ARHGAP8: variants seen among roughly 807,000 people sequenced by gnomAD.
ARHGAP8 encodes Rho GTPase activating protein 8, also known as rho GTPase-activating protein 8.
ARHGAP8 carries 62 observed loss-of-function variants against 46.1 expected under a neutral mutation model. The observed-to-expected ratio is 1.34, with a 90% CI of 1.10 to 1.66. The LOEUF is 1.66. ARHGAP8 is among the 40% of genes most tolerant of loss of function. The pLI, the probability that ARHGAP8 is intolerant of heterozygous loss-of-function variation, is 0.00. For synonymous variants in ARHGAP8, 375 were observed against 243.1 expected, an observed-to-expected ratio of 1.54 and a Z score of -5.05; for missense variants, 923 against 568.4, an observed-to-expected ratio of 1.62 and a Z score of -6.34.
chr22:44,794,362 T>G (rs1241331039), intron 2 of ARHGAP8, among the ~76,000 whole-genome samples: 1 of 152,160 alleles, frequency 6.6e-6, no homozygotes, highest in Non-Finnish European at 1.5e-5. Context: ...GAGGAAGAGA[T>G]TCTACCCTGG....
chr22:44,809,644 G>A (rs11703992), intron 4 of ARHGAP8: 47,028 of 163,362 alleles, frequency 0.29, 7,298 homozygotes, highest in East Asian at 0.43. Context: ...GCTACTCACC[G>A]CTTGGCCATG....
chr22:44,813,710 TACAC>T (rs1174354524), intron 4 of ARHGAP8, among the ~76,000 whole-genome samples: 5 of 148,394 alleles, frequency 3.4e-5, no homozygotes, highest in Non-Finnish European at 1.5e-5. Flanking sequence ...TAGGTACACC[TACAC>T]ACACTTTCAT....
intron 6 of ARHGAP8, among the ~76,000 whole-genome samples, 194 bp from the exon 7 acceptor site, chr22:44,825,289 C>G (rs993669434): frequency 2.0e-5 from 3 of 151,968 alleles, no homozygotes; most frequent in Admixed American, 6.6e-5. Context: ...GCCTCTTATG[C>G]GAACAGCCCA....
chr22:44,858,151 C>T (rs190521695), intron 10 of ARHGAP8, among the ~76,000 whole-genome samples: 22 of 152,174 alleles, frequency 1.4e-4, no homozygotes, highest in Admixed American at 1.4e-3. Flanking sequence ...CAGGAATGAT[C>T]ATAGTGGGGA....
intron 3 of ARHGAP8, among the ~76,000 whole-genome samples, chr22:44,806,178 C>T (rs1209239916): frequency 2.0e-5 from 3 of 152,172 alleles, no homozygotes; most frequent in Non-Finnish European, 4.4e-5. Flanking sequence ...TTCGTGGACT[C>T]TTCCACCCCT....
intron 1 of ARHGAP8, among the ~76,000 whole-genome samples, chr22:44,782,635 G>C (rs959292181): frequency 5.9e-5 from 9 of 152,236 alleles, no homozygotes; most frequent in Non-Finnish European, 7.3e-5. Context: ...GAATAGAGCG[G>C]TTTCAAGTTC....
chr22:44,859,707 G>A (rs759600648), intron 10 of ARHGAP8, 24 bp from the exon 11 acceptor site: 24 of 1,610,750 alleles, frequency 1.5e-5, no homozygotes, highest in South Asian at 4.4e-5. Context: ...CTGGAGCTCA[G>A]CAGGGAGCCC....
rs554206549 is a variant in ARHGAP8 at position 44,851,491 on chromosome 22, A to G, written c.877+2431A>G. The stretch of plus-strand genomic sequence containing the variant: ...CCGTGGCATAATCTCGGCACACTGC[A>G]ACCTCCACCTGACATGGGAACCTTT... On this transcript the variant is annotated intron_variant, in intron 10 of 11. Coordinates refer to ENST00000356099, the MANE Select transcript of ARHGAP8 (RefSeq NM_181335.3). 3.9e-5 allele frequency among the ~76,000 whole-genome samples: 6 copies of G among 152,254 alleles called. No individual in the cohort carries two copies. In the South Asian group the frequency reaches 1.2e-3, roughly 32 times the overall value.
At position 44,862,640 on chromosome 22, in the gene ARHGAP8, CT is replaced by C. The variant is rs2070559036; in HGVS notation, c.*46del. 3 of 1,513,574 alleles carry C rather than the reference CT, an allele frequency of 2.0e-6. No individual in the cohort carries two copies. The highest frequency in any genetic ancestry group is 2.7e-6 in the Non-Finnish European group (3 of 1,128,624). 93.8% of individuals were successfully genotyped at this position (1,513,574 alleles called of 1,614,324 possible). Reference sequence around the variant, plus strand: ...ATTTCGAGCTACCTCCCACACCTGTCTGTGCACTTGTATGTTTTGTAAACTT... The same window carrying C: ...ATTTCGAGCTACCTCCCACACCTGTCGTGCACTTGTATGTTTTGTAAACTT... On this transcript the variant is annotated 3_prime_UTR_variant, in exon 12 of 12. Coordinates refer to ENST00000356099, the MANE Select transcript of ARHGAP8 (RefSeq NM_181335.3).
intron 7 of ARHGAP8, among the ~76,000 whole-genome samples, chr22:44,842,777 C>T (rs1602253706): frequency 1.3e-5 from 2 of 152,096 alleles, no homozygotes; most frequent in South Asian, 4.1e-4. Context: ...GCCTGGGGGA[C>T]GCCAGGAGCT....
chr22:44,786,661 G>C lies in ARHGAP8; in HGVS notation c.79+55G>C, dbSNP rs927669154. On this transcript the variant is annotated intron_variant, in intron 2 of 11. Transcript: ENST00000356099. ...CCATGGGCAGAGCAGCCTTCCTCTCGGCAACTTTGAGGCAAAGTGGGCTCG... is the reference window on the plus strand; with the variant it reads ...CCATGGGCAGAGCAGCCTTCCTCTCCGCAACTTTGAGGCAAAGTGGGCTCG... The C allele has an allele frequency of 1.9e-6, 3 of 1,562,824 alleles. No individual in the cohort carries two copies. In the African/African-American group the frequency reaches 4.1e-5, roughly 21 times the overall value.
chr22:44,838,287 G>T (rs935590978), intron 7 of ARHGAP8, among the ~76,000 whole-genome samples: 6 of 152,046 alleles, frequency 3.9e-5, no homozygotes, highest in Non-Finnish European at 7.4e-5. Context: ...ACAGGCACGT[G>T]CCACCACACC....
At chr22:44,800,445 C>T (rs538076666) in intron 2 of ARHGAP8, among the ~76,000 whole-genome samples, 1 of 152,304 alleles carries the variant, frequency 6.6e-6, no homozygotes, top group East Asian at 1.9e-4. Context: ...TGGCCCGGAG[C>T]CTGGATTCTG....
chr22:44,862,334 G>A lies in ARHGAP8; in HGVS notation c.1041G>A (p.Gly347=). The change falls in exon 12 of 12, where the codon GGG becomes GGA. Residue 347 remains glycine, a synonymous_variant. Transcript: ENST00000356099. ...GCTCTAACCTGGCCTGTGTCTTCGG[G>A]CTGAATTTGATCTGGCCATCCCAGG... The part of the protein sequence containing the change: ...MNSSNLACVF[G]LNLIWPSQGV... 2 of 1,613,940 alleles carry A rather than the reference G, an allele frequency of 1.2e-6. No individual in the cohort carries two copies. Among genetic ancestry groups the A allele is most frequent in the African/African-American group, 1.3e-5 (1 of 75,042 alleles).
chr22:44,785,487 C>T (rs1408134291), intron 1 of ARHGAP8, among the ~76,000 whole-genome samples: 3 of 152,246 alleles, frequency 2.0e-5, no homozygotes, highest in East Asian at 1.9e-4. Flanking sequence ...ACTCCGTCCT[C>T]ACACACCCTC....
chr22:44,853,878 T>G (rs1053261244), intron 10 of ARHGAP8, among the ~76,000 whole-genome samples: 6 of 151,574 alleles, frequency 4.0e-5, no homozygotes, highest in African/African-American at 1.5e-4. Context: ...AAATACAGAA[T>G]TAGCCAGGCA....
chr22:44,810,056 T>G (rs759339410), intron 4 of ARHGAP8, among the ~76,000 whole-genome samples: 2 of 152,122 alleles, frequency 1.3e-5, no homozygotes, highest in Admixed American at 6.5e-5. Context: ...CCAGGAAGGC[T>G]TCCTGGGTTG....
In ARHGAP8 at chr22:44,862,631, C is replaced by T. The variant is rs111858743; in HGVS notation, c.*36C>T. 1.9e-4 allele frequency: 282 copies of T among 1,521,800 alleles called. 1 individual carries two copies. In the African/African-American group the frequency reaches 3.3e-3, roughly 18 times the overall value. 94.3% of individuals were successfully genotyped at this position (1,521,800 alleles called of 1,614,324 possible). A position where few individuals can be genotyped will look rare whatever the true frequency, so the allele number is the denominator to read the frequency against. ...ACTCTGTATATTTCGAGCTACCTCC[C>T]ACACCTGTCTGTGCACTTGTATGTT... On this transcript the variant is annotated 3_prime_UTR_variant, in exon 12 of 12. Coordinates refer to ENST00000356099, the MANE Select transcript of ARHGAP8 (RefSeq NM_181335.3).
intron 8 of ARHGAP8, among the ~76,000 whole-genome samples, chr22:44,847,134 C>T (rs1028020702): frequency 6.6e-6 from 1 of 152,142 alleles, no homozygotes; most frequent in Admixed American, 6.5e-5. Context: ...CCTGGTGTTC[C>T]GGGGCACCCC....
Sources: gnomAD v4.1 joint callset for allele counts (sites outside exome capture counted in the v4.1 genomes callset) on GRCh38, gnomAD v4.1.1 for gene constraint, MANE v1.5 for transcripts, NCBI Gene and HGNC (gene_info 2026-07-23, HGNC 2026-07-21) for gene names.